Variants in PDZD9 observed in about 807,000 individuals in gnomAD.
PDZD9 encodes PDZ domain-containing protein 9.
A neutral mutation model predicts 16.3 loss-of-function variants in PDZD9; 13 were observed. That is an observed-to-expected ratio of 0.80 (90% CI 0.52 to 1.27). The LOEUF (loss-of-function observed/expected upper bound fraction) is 1.27, where lower values mean the gene tolerates loss of function less well. Ranked by LOEUF, PDZD9 falls within the 50% of genes most tolerant of loss-of-function variation. The pLI is 0.00. For missense variants in PDZD9, 288 were observed against 310.9 expected, an observed-to-expected ratio of 0.93 and a Z score of 0.55; for synonymous variants, 120 against 111.0, an observed-to-expected ratio of 1.08 and a Z score of -0.51.
intron 2 of PDZD9, 137 bp from the exon 3 acceptor site, chr16:21,988,928 CTTT>C (rs60488437): frequency 0.02 from 6,938 of 340,004 alleles, no homozygotes; most frequent in South Asian, 0.028. Flanking sequence ...AGGCTTCAGC[CTTT>C]TTTTTTTTTT....
At chr16:21,970,776 G>A in the PDZD9 span, among the ~76,000 whole-genome samples, 1 of 151,942 alleles carries the variant, frequency 6.6e-6, no homozygotes, top group Non-Finnish European at 1.5e-5. Context: ...AATAGAGATG[G>A]GGTTTCACCA....
In PDZD9 at chr16:21,988,797, G is replaced by A. The variant is rs200394208; in HGVS notation, c.212-6C>T. 1.3e-5 allele frequency: 21 copies of A among 1,590,968 alleles called. No individual in the cohort carries two copies. Among genetic ancestry groups the A allele is most frequent in the East Asian group, 2.2e-5 (1 of 44,644 alleles). The stretch of plus-strand genomic sequence containing the variant: ...AACACTAATCAGAACATCACCTGAA[G>A]AGGGAAAAAATTATGTATCAGTAAA... On this transcript the variant is annotated splice_region_variant and splice_polypyrimidine_tract_variant and intron_variant, in intron 2 of 3. Coordinates refer to ENST00000424898, the MANE Select transcript of PDZD9 (RefSeq NM_001363519.1).
At chr16:21,963,074 C>T in the PDZD9 span, 1,243 of 572,954 alleles carry the variant, frequency 2.2e-3, 39 homozygotes, top group South Asian at 0.033. Flanking sequence ...CTGCAACCTC[C>T]AGCTCCCGGG....
chr16:21,983,361 G>A (rs143049271), downstream of PDZD9: 29 of 532,310 alleles, frequency 5.4e-5, no homozygotes, highest in African/African-American at 3.5e-4. Flanking sequence ...TTTTTCTTAC[G>A]TTTTTCTCAA....
At chr16:21,984,766 T>G in intron 3 of PDZD9, 106 bp from the exon 4 acceptor site, 5 of 809,402 alleles carry the variant, frequency 6.2e-6, no homozygotes, top group Non-Finnish European at 8.7e-6. Flanking sequence ...AAGATACAAT[T>G]TAGCTTTAGC....
At chr16:21,984,904 T>G (rs575272875) in intron 3 of PDZD9, among the ~76,000 whole-genome samples, 1 of 152,344 alleles carries the variant, frequency 6.6e-6, no homozygotes, top group South Asian at 2.1e-4. Context: ...TTGCACAGAC[T>G]TATACTAGAC....
the PDZD9 span, among the ~76,000 whole-genome samples, chr16:21,960,833 T>A: frequency 2.0e-5 from 3 of 152,102 alleles, no homozygotes. Flanking sequence ...TCTTTTTTTT[T>A]AATTAATTTA....
At chr16:21,995,072 G>A (rs1021593462) in intron 2 of PDZD9, among the ~76,000 whole-genome samples, 1 of 152,052 alleles carries the variant, frequency 6.6e-6, no homozygotes, top group African/African-American at 2.4e-5. Flanking sequence ...TGTAGTCCCC[G>A]GTGTTGGAGG....
At chr16:21,975,613 C>T in the PDZD9 span, among the ~76,000 whole-genome samples, 1 of 152,158 alleles carries the variant, frequency 6.6e-6, no homozygotes, top group East Asian at 1.9e-4. Flanking sequence ...TTTTAAATAC[C>T]ATACAAGGAT....
At chr16:22,000,641 A>G (rs537492554) in intron 1 of PDZD9, among the ~76,000 whole-genome samples, 2 of 152,104 alleles carry the variant, frequency 1.3e-5, no homozygotes, top group African/African-American at 2.4e-5. Flanking sequence ...CCTGGCCAAC[A>G]TGGTGAAATC....
At chr16:21,967,130 A>T in the PDZD9 span, among the ~76,000 whole-genome samples, 1 of 152,200 alleles carries the variant, frequency 6.6e-6, no homozygotes, top group African/African-American at 2.4e-5. Context: ...AGGCTAAAGG[A>T]AACTCTAAAG....
At chr16:21,981,161 C>T (rs75157691), downstream of PDZD9, among the ~76,000 whole-genome samples, 710 of 152,288 alleles carry the variant, frequency 4.7e-3, 5 homozygotes, top group Middle Eastern at 0.048. Flanking sequence ...CATCTAGCAT[C>T]TTAAGATTTT....
chr16:21,985,491 T>TC (rs1898855892), intron 3 of PDZD9, among the ~76,000 whole-genome samples: 1 of 152,028 alleles, frequency 6.6e-6, no homozygotes, highest in African/African-American at 2.4e-5. Flanking sequence ...TTATTGACTT[T>TC]CTTGATTGTT....
intron 1 of PDZD9, among the ~76,000 whole-genome samples, chr16:21,997,050 T>C (rs1245831019): frequency 1.3e-5 from 2 of 152,154 alleles, no homozygotes; most frequent in African/African-American, 2.4e-5. Flanking sequence ...CTTGAACTCC[T>C]GGACTCAAGC....
At chr16:21,974,105 TG>T in the PDZD9 span, 1 of 745,908 alleles carries the variant, frequency 1.3e-6, no homozygotes, top group East Asian at 2.8e-5. Context: ...CTGTATAGTA[TG>T]ATGTCATTGA....
chr16:21,983,405 T>C (rs1898785925), downstream of PDZD9: 1 of 483,734 alleles, frequency 2.1e-6, no homozygotes, highest in East Asian at 3.2e-5. Flanking sequence ...TATGTGCTGA[T>C]ATCTTTGTTT....
chr16:21,983,194 G>A (rs771639526), downstream of PDZD9: 7 of 1,604,678 alleles, frequency 4.4e-6, no homozygotes, highest in East Asian at 1.6e-4. Context: ...CATTACAGGA[G>A]AGAGCTGAAC....
At chr16:21,990,644 G>GCAAAACAAAA (rs576783832) in intron 2 of PDZD9, among the ~76,000 whole-genome samples, 1 of 152,078 alleles carries the variant, frequency 6.6e-6, no homozygotes, top group Non-Finnish European at 1.5e-5. Context: ...AATTACAATG[G>GCAAAACAAAA]CAAAACAAAA....
chr16:21,965,306 G>T, the PDZD9 span: 2 of 1,083,568 alleles, frequency 1.8e-6, no homozygotes, highest in Middle Eastern at 2.2e-4. Context: ...ATGAATGCCA[G>T]AAGATGACCA....
Sources: allele counts gnomAD v4.1 joint callset (sites outside exome capture counted in the v4.1 genomes callset), GRCh38; gene constraint gnomAD v4.1.1; transcripts MANE v1.5; gene names NCBI Gene and HGNC (gene_info 2026-07-23, HGNC 2026-07-21).